The following REC114 variants were observed in gnomAD, a reference collection of about 807,000 sequenced individuals.
The protein encoded by REC114 is REC114 meiotic recombination protein, also known as meiotic recombination protein REC114.
REC114 carries 27 observed loss-of-function variants against 31.3 expected under a neutral mutation model. The observed-to-expected ratio is 0.86, with a 90% CI of 0.64 to 1.19. The LOEUF is 1.19. REC114 is among the 50% of genes most tolerant of loss of function. The pLI is 0.00. For missense variants in REC114, 344 were observed against 326.9 expected (o/e 1.05, Z -0.40); for synonymous variants, 134 against 127.7 (o/e 1.05, Z -0.33).
intron 2 of REC114, among the ~76,000 whole-genome samples, chr15:73,536,540 G>A (rs529173236): frequency 6.6e-5 from 10 of 152,280 alleles, no homozygotes; most frequent in African/African-American, 2.4e-4. Context: ...TTAATTGTGA[G>A]AAAGTCAGGA....
intron 5 of REC114, among the ~76,000 whole-genome samples, chr15:73,557,414 TAAAAAAAAAAAAAAA>T (rs767116205): frequency 8.8e-6 from 1 of 113,192 alleles, no homozygotes. Context: ...ATCAGTAGTT[TAAAAAAAAAAAAAAA>T]AAAAGAAAAA....
At chr15:73,556,610 A>G (rs1209815770) in intron 5 of REC114, among the ~76,000 whole-genome samples, 1 of 151,902 alleles carries the variant, frequency 6.6e-6, no homozygotes, top group African/African-American at 2.4e-5. Context: ...GCAGGCACAT[A>G]GTCAAGATCT....
chr15:73,443,229 G>A lies in REC114; in HGVS notation c.44G>A (p.Gly15Glu), dbSNP rs1258194658. Residue 15 changes from glycine to glutamate, a missense_variant, in exon 1 of 6, where the codon GGA (glycine) becomes GAA (glutamate). By Grantham distance (98) the Gly-to-Glu change is moderately conservative. Coordinates refer to ENST00000331090, the MANE Select transcript of REC114 (RefSeq NM_001042367.2). ...GKVPLSLGLT[G>E]GEAAEWPLQR... ...GTGCCCTTGAGCCTCGGGCTTACCG[G>A]AGGAGAAGCGGCAGAGTGGCCTCTG... The A allele has an allele frequency of 1.3e-6, 2 of 1,575,398 alleles. No individual in the cohort carries two copies. The highest frequency in any genetic ancestry group is 1.2e-5 in the South Asian group (1 of 85,570).
At chr15:73,488,776 A>G (rs1893407374) in intron 2 of REC114, among the ~76,000 whole-genome samples, 1 of 152,170 alleles carries the variant, frequency 6.6e-6, no homozygotes, top group South Asian at 2.1e-4. Flanking sequence ...GTCCTCTTCT[A>G]AGCCCTCACC....
chr15:73,465,658 C>T (rs1893046590), intron 1 of REC114, among the ~76,000 whole-genome samples: 2 of 151,970 alleles, frequency 1.3e-5, no homozygotes, highest in South Asian at 4.2e-4. Context: ...ATTTTTTTAA[C>T]ATCTTCTTCC....
intron 2 of REC114, among the ~76,000 whole-genome samples, chr15:73,488,608 A>G (rs915483405): frequency 6.6e-6 from 1 of 152,200 alleles, no homozygotes; most frequent in Non-Finnish European, 1.5e-5. Flanking sequence ...GTTCTTTGCC[A>G]TTGTATAACA....
At chr15:73,489,267 G>A (rs1246540882) in intron 2 of REC114, among the ~76,000 whole-genome samples, 1 of 147,138 alleles carries the variant, frequency 6.8e-6, no homozygotes, top group African/African-American at 2.5e-5. Context: ...ACAGTGGTGT[G>A]ATCTCAGCTC....
intron 1 of REC114, among the ~76,000 whole-genome samples, chr15:73,466,857 G>T (rs1893068276): frequency 6.6e-6 from 1 of 152,174 alleles, no homozygotes; most frequent in Admixed American, 6.5e-5. Context: ...AGTGCCTCAA[G>T]TTGTTTCTTG....
At chr15:73,545,997 CTT>C (rs1045986817) in intron 3 of REC114, among the ~76,000 whole-genome samples, 4 of 152,118 alleles carry the variant, frequency 2.6e-5, no homozygotes, top group African/African-American at 9.7e-5. Context: ...GTATAGGTCT[CTT>C]ATCAGTTCTT....
chr15:73,450,818 A>C (rs1435861392), intron 1 of REC114, among the ~76,000 whole-genome samples: 1 of 152,258 alleles, frequency 6.6e-6, no homozygotes, highest in East Asian at 1.9e-4. Flanking sequence ...ATTAGAACTC[A>C]GGATTAAGAC....
intron 2 of REC114, among the ~76,000 whole-genome samples, chr15:73,517,550 G>T (rs1893876695): frequency 6.6e-6 from 1 of 151,986 alleles, no homozygotes; most frequent in African/African-American, 2.4e-5. Flanking sequence ...GGAAAACTTT[G>T]AAGTTTCTGG....
chr15:73,539,281 G>GAT (rs1894206403), intron 2 of REC114, among the ~76,000 whole-genome samples: 1 of 101,176 alleles, frequency 9.9e-6, no homozygotes, highest in African/African-American at 4.4e-5. Context: ...TTTCAGAACT[G>GAT]ATTTTTTTTT....
chr15:73,541,855 AAACT>A lies in REC114; in HGVS notation c.333+1293_333+1296del, dbSNP rs1206637660. ...AAATATACATTATTACTAAAATTTTAAACTAACTACAAAGAGCAAAATAAAAATC... is the reference window on the plus strand; with the variant it reads ...AAATATACATTATTACTAAAATTTTAAACTACAAAGAGCAAAATAAAAATC... On this transcript the variant is annotated intron_variant, in intron 3 of 5. Transcript: ENST00000331090. 3.9e-5 allele frequency among the ~76,000 whole-genome samples: 6 copies of A among 152,222 alleles called. No individual in the cohort carries two copies. In the East Asian group the frequency reaches 7.7e-4, roughly 20 times the overall value.
chr15:73,501,436 T>TCAG (rs924018204), intron 2 of REC114, among the ~76,000 whole-genome samples: 5 of 152,102 alleles, frequency 3.3e-5, no homozygotes, highest in Non-Finnish European at 5.9e-5. Context: ...TCCAGTTTTA[T>TCAG]CAGCAGCAGC....
intron 1 of REC114, among the ~76,000 whole-genome samples, chr15:73,452,780 CAGAT>C (rs1373371132): frequency 1.3e-5 from 2 of 152,164 alleles, no homozygotes; most frequent in African/African-American, 4.8e-5. Context: ...GGTACCAAAA[CAGAT>C]ATATAGACCA....
chr15:73,480,227 A>G (rs990247982), intron 2 of REC114, among the ~76,000 whole-genome samples: 1 of 151,954 alleles, frequency 6.6e-6, no homozygotes, highest in Admixed American at 6.6e-5. Context: ...TTGGCCATTT[A>G]TGTCATTTGT....
intron 1 of REC114, among the ~76,000 whole-genome samples, chr15:73,455,134 G>C (rs1595859586): frequency 6.6e-6 from 1 of 151,900 alleles, no homozygotes; most frequent in South Asian, 2.1e-4. Context: ...TGGAAAAAAC[G>C]AAAGAGAAAA....
chr15:73,527,595 A>G (rs73444124), intron 2 of REC114, among the ~76,000 whole-genome samples: 306 of 152,274 alleles, frequency 2.0e-3, no homozygotes, highest in African/African-American at 7.2e-3. Context: ...TACTGTCTGA[A>G]AATAGTTGCT....
At chr15:73,558,865 TC>T (rs1894520238) in intron 5 of REC114, among the ~76,000 whole-genome samples, 3 of 152,346 alleles carry the variant, frequency 2.0e-5, no homozygotes, top group Middle Eastern at 6.8e-3. Context: ...GTTTATAGCA[TC>T]TTTATTCATA....
Sources: gnomAD v4.1 joint callset for allele counts (sites outside exome capture counted in the v4.1 genomes callset) on GRCh38, gnomAD v4.1.1 for gene constraint, MANE v1.5 for transcripts, NCBI Gene and HGNC (gene_info 2026-07-23, HGNC 2026-07-21) for gene names.